RETREG1: variants seen among roughly 807,000 people sequenced by gnomAD.
The protein encoded by RETREG1 is reticulophagy regulator 1, also known as family with sequence similarity 134 member B.
In RETREG1, 44 loss-of-function variants were observed where a neutral mutation model predicts 54.8. That is an observed-to-expected ratio of 0.80 (90% CI 0.63 to 1.03). The LOEUF is 1.03. Ranked by LOEUF, RETREG1 falls within the 50% of genes least tolerant of loss-of-function variation. The pLI is 0.00. For synonymous variants in RETREG1, 217 were observed against 238.5 expected (o/e 0.91, Z 0.83); for missense variants, 554 against 605.1 (o/e 0.92, Z 0.89).
At chr5:16,575,625 C>T (rs1742298951) in intron 1 of RETREG1, among the ~76,000 whole-genome samples, 1 of 152,236 alleles carries the variant, frequency 6.6e-6, no homozygotes, top group South Asian at 2.1e-4. Context: ...ACAGCAACTC[C>T]AAAGAGCACT....
chr5:16,520,234 C>T (rs903784963), intron 3 of RETREG1, among the ~76,000 whole-genome samples: 12 of 152,176 alleles, frequency 7.9e-5, no homozygotes, highest in Non-Finnish European at 1.5e-5. Flanking sequence ...TGGTGTCCTG[C>T]CCCAGCCCTA....
At chr5:16,587,156 G>A (rs561075566) in intron 1 of RETREG1, among the ~76,000 whole-genome samples, 1 of 152,318 alleles carries the variant, frequency 6.6e-6, no homozygotes, top group South Asian at 2.1e-4. Context: ...CTGAGAAGAA[G>A]AGCTCTTGGG....
At chr5:16,537,295 T>A (rs16868758) in intron 3 of RETREG1, among the ~76,000 whole-genome samples, 17,395 of 152,234 alleles carry the variant, frequency 0.11, 1,486 homozygotes, top group African/African-American at 0.24. Context: ...GAAAGACAAC[T>A]GGGTTGAAAC....
intron 8 of RETREG1, among the ~76,000 whole-genome samples, chr5:16,476,503 T>C (rs1198534385): frequency 1.3e-5 from 2 of 152,130 alleles, no homozygotes; most frequent in Admixed American, 6.5e-5. Flanking sequence ...ATTGTACTTA[T>C]TATAAACAAA....
intron 3 of RETREG1, among the ~76,000 whole-genome samples, chr5:16,491,160 C>T (rs997890610): frequency 1.3e-5 from 2 of 152,186 alleles, no homozygotes; most frequent in African/African-American, 4.8e-5. Flanking sequence ...CACATGATCC[C>T]CCTAGGACCC....
At chr5:16,485,506 G>C (rs1738981290) in intron 3 of RETREG1, among the ~76,000 whole-genome samples, 2 of 152,208 alleles carry the variant, frequency 1.3e-5, no homozygotes, top group Non-Finnish European at 2.9e-5. Flanking sequence ...ACTTTGTACA[G>C]ATGCTGGAAC....
intron 3 of RETREG1, among the ~76,000 whole-genome samples, chr5:16,488,305 C>T (rs935491255): frequency 3.3e-5 from 5 of 152,184 alleles, no homozygotes; most frequent in African/African-American, 1.2e-4. Context: ...AGGACAGTGA[C>T]TCCTAAGGGA....
intron 1 of RETREG1, among the ~76,000 whole-genome samples, chr5:16,600,464 G>A (rs1213660250): frequency 6.6e-6 from 1 of 152,226 alleles, no homozygotes; most frequent in Non-Finnish European, 1.5e-5. Flanking sequence ...ACAGAAGAGA[G>A]CAGGGCAGAG....
chr5:16,603,318 A>C (rs154296), intron 1 of RETREG1, among the ~76,000 whole-genome samples: 29,476 of 152,142 alleles, frequency 0.19, 3,285 homozygotes, highest in East Asian at 0.37. Context: ...CCAGAGTTTT[A>C]ACAAGACTTT....
At chr5:16,586,951 G>T (rs955843522) in intron 1 of RETREG1, among the ~76,000 whole-genome samples, 14 of 152,214 alleles carry the variant, frequency 9.2e-5, no homozygotes, top group African/African-American at 3.1e-4. Context: ...AGGGGCAAAA[G>T]ATCTCTCTGG....
At chr5:16,572,640 T>C (rs1343396386) in intron 1 of RETREG1, among the ~76,000 whole-genome samples, 1 of 152,192 alleles carries the variant, frequency 6.6e-6, no homozygotes, top group Admixed American at 6.5e-5. Context: ...TACCCTCCAA[T>C]TTCGGGCAGA....
At chr5:16,522,155 C>T (rs978400656) in intron 3 of RETREG1, among the ~76,000 whole-genome samples, 1 of 151,968 alleles carries the variant, frequency 6.6e-6, no homozygotes, top group Non-Finnish European at 1.5e-5. Flanking sequence ...CCAAGAGGAA[C>T]CAGCTCCTGG....
At chr5:16,484,311 C>A (rs1738933993) in intron 3 of RETREG1, among the ~76,000 whole-genome samples, 1 of 152,110 alleles carries the variant, frequency 6.6e-6, no homozygotes, top group South Asian at 2.1e-4. Flanking sequence ...AAGCTTAATT[C>A]CTGCTCTTGC....
intron 5 of RETREG1, among the ~76,000 whole-genome samples, chr5:16,480,704 A>G (rs1477838855): frequency 6.6e-6 from 1 of 152,120 alleles, no homozygotes; most frequent in East Asian, 1.9e-4. Context: ...AAGAACACGC[A>G]CGAAGGCAAA....
chr5:16,600,872 G>T (rs1321567493), intron 1 of RETREG1, among the ~76,000 whole-genome samples: 1 of 151,808 alleles, frequency 6.6e-6, no homozygotes, highest in Non-Finnish European at 1.5e-5. Context: ...CAAAACAAAC[G>T]CATCTAAAAG....
intron 1 of RETREG1, among the ~76,000 whole-genome samples, chr5:16,613,467 C>T (rs950124316): frequency 2.0e-5 from 3 of 152,210 alleles, no homozygotes; most frequent in African/African-American, 7.2e-5. Context: ...TTTCCTGAAT[C>T]TTCCACCACA....
intron 1 of RETREG1, among the ~76,000 whole-genome samples, chr5:16,607,661 G>T (rs1446050118): frequency 1.3e-5 from 2 of 151,896 alleles, no homozygotes; most frequent in African/African-American, 4.8e-5. Context: ...TTTTAATGGA[G>T]GTCCTGAAAG....
intron 1 of RETREG1, among the ~76,000 whole-genome samples, chr5:16,581,585 C>G (rs1235246652): frequency 6.6e-6 from 1 of 151,840 alleles, no homozygotes; most frequent in Non-Finnish European, 1.5e-5. Context: ...CACAGGACCA[C>G]TGGCCCTTGT....
intron 1 of RETREG1, among the ~76,000 whole-genome samples, chr5:16,577,798 T>G (rs1027489829): frequency 1.3e-5 from 2 of 152,078 alleles, no homozygotes; most frequent in African/African-American, 4.8e-5. Flanking sequence ...TCTCACGAGA[T>G]CTGATGGTTT....
Sources: gnomAD v4.1 joint callset for allele counts (sites outside exome capture counted in the v4.1 genomes callset) on GRCh38, gnomAD v4.1.1 for gene constraint, MANE v1.5 for transcripts, NCBI Gene and HGNC (gene_info 2026-07-23, HGNC 2026-07-21) for gene names.